Variants in WWOX observed in about 807,000 individuals in gnomAD.
The protein encoded by WWOX is WW domain-containing oxidoreductase.
Under a neutral mutation model 46.2 loss-of-function variants are expected in WWOX, and 69 were observed. The observed-to-expected ratio is 1.49, with a 90% CI of 1.23 to 1.82. The LOEUF is 1.82. Ranked by LOEUF, WWOX falls within the 40% of genes most tolerant of loss-of-function variation. The pLI is 0.00. For missense variants in WWOX, 919 were observed against 542.6 expected, an observed-to-expected ratio of 1.69 and a Z score of -6.89; for synonymous variants, 359 against 202.6, an observed-to-expected ratio of 1.77 and a Z score of -6.56.
Position 79,022,922 on chromosome 16 carries a change from T to C in WWOX, c.1057-188686T>C, listed in dbSNP as rs906050461. Among the ~76,000 whole-genome samples, 3 of 152,152 alleles carry C rather than the reference T, an allele frequency of 2.0e-5. No homozygotes were observed. The South Asian group carries it at 6.2e-4, about 32-fold the overall frequency. The stretch of plus-strand genomic sequence containing the variant: ...TCCCCTGAGCATCAGTTTACTCAGC[T>C]GAAAAATGCATCTGCTAATAATACC... On this transcript the variant is annotated intron_variant, in intron 8 of 8. Coordinates refer to ENST00000566780, the MANE Select transcript of WWOX (RefSeq NM_016373.4).
At chr16:78,696,688 G>A (rs186650177) in intron 8 of WWOX, among the ~76,000 whole-genome samples, 82 of 152,080 alleles carry the variant, frequency 5.4e-4, no homozygotes, top group African/African-American at 1.9e-3. Context: ...CCTGTTTTGG[G>A]GGGGGTACAG....
chr16:79,177,731 C>G (rs1168795222), intron 8 of WWOX, among the ~76,000 whole-genome samples: 1 of 152,112 alleles, frequency 6.6e-6, no homozygotes. Context: ...TATTCTTTTA[C>G]AAAAAGGGTC....
intron 5 of WWOX, among the ~76,000 whole-genome samples, chr16:78,184,565 C>A (rs1250728608): frequency 1.4e-5 from 2 of 146,762 alleles, no homozygotes; most frequent in Middle Eastern, 7.1e-3. Flanking sequence ...TATTTTTTCC[C>A]CGTTTATACT....
rs529194354 is a variant in WWOX, at chr16:79,069,466, C to T, written c.1057-142142C>T. ...TGTCTTGTTCACACGTTACTGTAGT[C>T]ATTTACGTAAACTTAGGAACTAAGA... On this transcript the variant is annotated intron_variant, in intron 8 of 8. Coordinates refer to ENST00000566780, the MANE Select transcript of WWOX (RefSeq NM_016373.4). Among the ~76,000 whole-genome samples the T allele has an allele frequency of 2.6e-5, 4 of 151,998 alleles. No homozygotes were observed. In the South Asian group the frequency reaches 6.2e-4, roughly 24 times the overall value.
At chr16:78,728,825 G>C (rs1255580536) in intron 8 of WWOX, among the ~76,000 whole-genome samples, 1 of 152,168 alleles carries the variant, frequency 6.6e-6, no homozygotes, top group Admixed American at 6.5e-5. Context: ...TGGGACCTCA[G>C]GTATGTCACT....
chr16:78,745,854 C>G (rs369832843), intron 8 of WWOX, among the ~76,000 whole-genome samples: 1 of 139,736 alleles, frequency 7.2e-6, no homozygotes, highest in Non-Finnish European at 1.6e-5. Context: ...TGTAGATCAT[C>G]TAGTTTGGAA....
At chr16:78,128,059 T>C (rs962627254) in intron 4 of WWOX, among the ~76,000 whole-genome samples, 1 of 152,214 alleles carries the variant, frequency 6.6e-6, no homozygotes, top group Non-Finnish European at 1.5e-5. Flanking sequence ...AATATAAGGT[T>C]GCTGGCGTTT....
intron 8 of WWOX, among the ~76,000 whole-genome samples, chr16:78,976,249 T>C (rs1182606402): frequency 6.6e-6 from 1 of 152,242 alleles, no homozygotes; most frequent in Non-Finnish European, 1.5e-5. Flanking sequence ...CTGCACACTT[T>C]AATCTTACCA....
At chr16:78,169,098 C>A (rs565260967) in intron 5 of WWOX, among the ~76,000 whole-genome samples, 1 of 152,128 alleles carries the variant, frequency 6.6e-6, no homozygotes, top group Non-Finnish European at 1.5e-5. Context: ...GGGCTTGTTC[C>A]TATGTTGTGG....
At chr16:79,128,171 G>A (rs1347657474) in intron 8 of WWOX, among the ~76,000 whole-genome samples, 1 of 152,118 alleles carries the variant, frequency 6.6e-6, no homozygotes, top group African/African-American at 2.4e-5. Flanking sequence ...GTGGTTTGAT[G>A]AAGATAAAAC....
intron 4 of WWOX, chr16:78,124,420 A>G (rs2033267471): frequency 1.3e-5 from 2 of 152,168 alleles, no homozygotes; most frequent in South Asian, 4.1e-4. Context: ...GTTTGGTATG[A>G]CACAGACCTT....
At chr16:78,494,896 G>A (rs2084873230) in intron 8 of WWOX, among the ~76,000 whole-genome samples, 2 of 152,120 alleles carry the variant, frequency 1.3e-5, no homozygotes, top group African/African-American at 4.8e-5. Flanking sequence ...AGGGTTTTAG[G>A]CCTGTCCTTA....
chr16:79,078,057 A>G (rs963180623), intron 8 of WWOX: 5 of 152,130 alleles, frequency 3.3e-5, no homozygotes, highest in South Asian at 2.1e-4. Flanking sequence ...AGCTCAGGGG[A>G]AAAAAAGGTC....
rs538164228 is a variant in WWOX, at chr16:78,099,978, G to A, written c.107+93G>A. On this transcript the variant is annotated intron_variant, in intron 1 of 8. Coordinates refer to ENST00000566780, the MANE Select transcript of WWOX (RefSeq NM_016373.4). ...CGGGGAGGACGCGCACTCCAGCGCA[G>A]CGCGTGCGGTGCAAAGTGAAAGTAA... 9.2e-5 allele frequency: 140 copies of A among 1,517,658 alleles called. 2 individuals are homozygous for A. In the South Asian group the frequency reaches 1.3e-3, roughly 15 times the overall value. 94.0% of individuals were successfully genotyped at this position (1,517,658 alleles called of 1,614,324 possible). A position where few individuals can be genotyped will look rare whatever the true frequency, so the allele number is the denominator to read the frequency against.
intron 8 of WWOX, among the ~76,000 whole-genome samples, chr16:79,187,571 C>T (rs112697296): frequency 0.037 from 5,590 of 152,244 alleles, 128 homozygotes; most frequent in African/African-American, 0.066. Context: ...ACCGCCACCA[C>T]GCCCAGCTGA....
intron 8 of WWOX, among the ~76,000 whole-genome samples, chr16:78,982,551 G>C (rs1432403389): frequency 6.6e-6 from 1 of 152,214 alleles, no homozygotes; most frequent in Admixed American, 6.5e-5. Context: ...AGTGAGTAGA[G>C]TAGGGAGTTA....
intron 8 of WWOX, among the ~76,000 whole-genome samples, chr16:79,107,009 C>G (rs532986816): frequency 6.6e-6 from 1 of 151,944 alleles, no homozygotes; most frequent in Non-Finnish European, 1.5e-5. Context: ...TGGGGTTTCA[C>G]CATGGTGGCC....
chr16:78,979,177 G>A (rs1017518444), intron 8 of WWOX, among the ~76,000 whole-genome samples: 1 of 149,076 alleles, frequency 6.7e-6, no homozygotes, highest in Non-Finnish European at 1.5e-5. Flanking sequence ...CTACATGCAT[G>A]TGGCTTCCCC....
intron 8 of WWOX, among the ~76,000 whole-genome samples, chr16:78,634,574 C>T (rs546414961): frequency 4.5e-4 from 68 of 152,026 alleles, no homozygotes; most frequent in Non-Finnish European, 7.7e-4. Flanking sequence ...GGCATGGTGG[C>T]GGGCGCCTGT....
Sources: allele counts gnomAD v4.1 joint callset (sites outside exome capture counted in the v4.1 genomes callset), GRCh38; gene constraint gnomAD v4.1.1; transcripts MANE v1.5; gene names NCBI Gene and HGNC (gene_info 2026-07-23, HGNC 2026-07-21).